INPP5F: variants seen among roughly 807,000 people sequenced by gnomAD.
INPP5F encodes phosphatidylinositide 4-phosphatase SAC2.
A neutral mutation model predicts 137.2 loss-of-function variants in INPP5F; 97 were observed. The ratio of observed to expected loss-of-function variants is 0.71; its 90% CI spans 0.60 to 0.84. INPP5F has a LOEUF of 0.84. Among genes scored for constraint, INPP5F ranks in the 40% least tolerant of loss-of-function variants. The pLI is 0.00. For synonymous variants in INPP5F, 504 were observed against 476.9 expected (o/e 1.06, Z -0.74); for missense variants, 1,271 against 1,371.9 (o/e 0.93, Z 1.16).
intron 1 of INPP5F, among the ~76,000 whole-genome samples, chr10:119,747,592 G>A (rs149284536): frequency 1.7e-3 from 260 of 152,286 alleles, no homozygotes; most frequent in African/African-American, 6.1e-3. Context: ...AACTTGGTAT[G>A]TAACCTTTGT....
chr10:119,822,001 C>T (rs61867952), intron 16 of INPP5F, among the ~76,000 whole-genome samples: 8,236 of 151,492 alleles, frequency 0.054, 409 homozygotes, highest in South Asian at 0.26. Context: ...AGTGATTCTC[C>T]TGCTTCAGCC....
chr10:119,743,934 TAAGG>T (rs992815726), intron 1 of INPP5F, among the ~76,000 whole-genome samples: 8 of 152,066 alleles, frequency 5.3e-5, no homozygotes, highest in African/African-American at 1.5e-4. Flanking sequence ...GATATAAAAA[TAAGG>T]AAGAAAATAA....
At chr10:119,813,632 A>C (rs1029103252) in intron 15 of INPP5F, among the ~76,000 whole-genome samples, 1 of 152,142 alleles carries the variant, frequency 6.6e-6, no homozygotes, top group East Asian at 1.9e-4. Context: ...CTCAAAAAAA[A>C]CAAAACAAAA....
At chr10:119,777,433 G>A (rs1010296356) in intron 2 of INPP5F, among the ~76,000 whole-genome samples, 1 of 152,146 alleles carries the variant, frequency 6.6e-6, no homozygotes, top group Non-Finnish European at 1.5e-5. Flanking sequence ...GGCTGAGACA[G>A]GAGAACTGCT....
At chr10:119,770,974 C>A (rs576152272) in intron 2 of INPP5F, among the ~76,000 whole-genome samples, 5 of 151,818 alleles carry the variant, frequency 3.3e-5, no homozygotes, top group Non-Finnish European at 5.9e-5. Context: ...TAAAATTAAC[C>A]CTTTTAAAGT....
intron 1 of INPP5F, among the ~76,000 whole-genome samples, chr10:119,730,589 G>C (rs184546444): frequency 5.8e-4 from 88 of 152,290 alleles, no homozygotes; most frequent in African/African-American, 2.1e-3. Context: ...TCTTAAAATT[G>C]CTTCCTCTAG....
chr10:119,814,258 G>A (rs180845915), intron 15 of INPP5F, among the ~76,000 whole-genome samples: 1 of 152,146 alleles, frequency 6.6e-6, no homozygotes, highest in Non-Finnish European at 1.5e-5. Flanking sequence ...ATGGTGGTGC[G>A]TGCCTGTAGT....
chr10:119,797,288 CAAT>C (rs1006627434), intron 7 of INPP5F, among the ~76,000 whole-genome samples, 170 bp from the exon 8 acceptor site: 4 of 152,158 alleles, frequency 2.6e-5, no homozygotes, highest in African/African-American at 7.2e-5. Context: ...TTGTTAAAAA[CAAT>C]GATGCATACA....
chr10:119,798,112 G>A (rs1025409302), intron 8 of INPP5F, among the ~76,000 whole-genome samples: 1 of 151,300 alleles, frequency 6.6e-6, no homozygotes, highest in African/African-American at 2.4e-5. Context: ...TCTTGGAATA[G>A]CTAAGTCATT....
At chr10:119,820,670 T>G (rs1851523775) in intron 15 of INPP5F, among the ~76,000 whole-genome samples, 176 bp from the exon 16 acceptor site, 1 of 152,236 alleles carries the variant, frequency 6.6e-6, no homozygotes, top group Admixed American at 6.5e-5. Flanking sequence ...TTTTAAAGAC[T>G]GTCCAAATGG....
chr10:119,791,505 C>G lies in INPP5F; in HGVS notation c.316-12C>G. The G allele has an allele frequency of 2.5e-6, 4 of 1,583,500 alleles. No homozygotes were observed. The highest frequency in any genetic ancestry group is 3.4e-6 in the Non-Finnish European group (4 of 1,161,336). On this transcript the variant is annotated splice_polypyrimidine_tract_variant and intron_variant, in intron 3 of 19. Coordinates refer to ENST00000650623, the MANE Select transcript of INPP5F (RefSeq NM_014937.4). The stretch of plus-strand genomic sequence containing the variant: ...ATTAGTAATAACAAATCATCTTTCT[C>G]TTCCTATTTAGCTCTGTAAGAAGCA...
intron 2 of INPP5F, among the ~76,000 whole-genome samples, chr10:119,781,229 T>A (rs1849689803): frequency 6.6e-6 from 1 of 152,234 alleles, no homozygotes; most frequent in South Asian, 2.1e-4. Context: ...ATGGGATCAC[T>A]GGACTGATTA....
chr10:119,803,647 A>C (rs1850669013), intron 9 of INPP5F, among the ~76,000 whole-genome samples: 1 of 152,238 alleles, frequency 6.6e-6, no homozygotes, highest in Non-Finnish European at 1.5e-5. Context: ...TAAGTTCATT[A>C]ACAGATCCTG....
rs192014538 is a variant in INPP5F at position 119,737,227 on chromosome 10, T to C, written c.97+10868T>C. ...TTTCCTTCTGCTAGTTTAGACCAGCTTTTATGCCGCCTCCCTATATTATGA... is the reference window on the plus strand; with the variant it reads ...TTTCCTTCTGCTAGTTTAGACCAGCCTTTATGCCGCCTCCCTATATTATGA... On this transcript the variant is annotated intron_variant, in intron 1 of 19. Transcript: ENST00000650623. 3.9e-5 allele frequency among the ~76,000 whole-genome samples: 6 copies of C among 152,354 alleles called. No homozygotes were observed. The East Asian group carries it at 1.2e-3, about 29-fold the overall frequency.
chr10:119,800,640 A>C (rs1052527608), intron 9 of INPP5F, among the ~76,000 whole-genome samples: 1 of 152,046 alleles, frequency 6.6e-6, no homozygotes, highest in African/African-American at 2.4e-5. Flanking sequence ...AAAAGAGGAT[A>C]TCCAGAAAGT....
chr10:119,727,666 T>C (rs1847932541), intron 1 of INPP5F, among the ~76,000 whole-genome samples: 1 of 152,228 alleles, frequency 6.6e-6, no homozygotes, highest in East Asian at 1.9e-4. Context: ...CTGTCTATAT[T>C]TTCTTGCTAT....
intron 8 of INPP5F, among the ~76,000 whole-genome samples, chr10:119,798,322 T>C (rs989019742): frequency 9.9e-5 from 15 of 152,188 alleles, no homozygotes; most frequent in African/African-American, 3.4e-4. Flanking sequence ...AATAATCTTA[T>C]AATGTCATAG....
chr10:119,726,254 G>T lies in INPP5F; in HGVS notation c.-9G>T. ...CGGGCCGCCGCCTCCCTGGGCGCGC[G>T]GGGCCAGCATGGAGCTCTTCCAAGC... On this transcript the variant is annotated 5_prime_UTR_variant, in exon 1 of 20. Transcript: ENST00000650623. The T allele has an allele frequency of 6.9e-7, 1 of 1,454,718 alleles. No homozygotes were observed. 90.1% of individuals were successfully genotyped at this position (1,454,718 alleles called of 1,614,324 possible). A position where few individuals can be genotyped will look rare whatever the true frequency, so the allele number is the denominator to read the frequency against.
intron 9 of INPP5F, among the ~76,000 whole-genome samples, chr10:119,799,110 C>T (rs1850496563): frequency 6.6e-6 from 1 of 152,144 alleles, no homozygotes; most frequent in Admixed American, 6.6e-5. Flanking sequence ...TTTCTCTGCT[C>T]ACCTTCATAT....
Sources: gnomAD v4.1 joint callset for allele counts (sites outside exome capture counted in the v4.1 genomes callset) on GRCh38, gnomAD v4.1.1 for gene constraint, MANE v1.5 for transcripts, NCBI Gene and HGNC (gene_info 2026-07-23, HGNC 2026-07-21) for gene names.